BNC2: variants seen among roughly 807,000 people sequenced by gnomAD.
BNC2 encodes the protein basonuclin zinc finger protein 2.
A neutral mutation model predicts 76.3 loss-of-function variants in BNC2; 20 were observed. The observed-to-expected ratio is 0.26, with a 90% CI of 0.18 to 0.38. BNC2 has a LOEUF of 0.38. BNC2 is among the 10% of genes least tolerant of loss of function. The pLI, the probability that BNC2 is intolerant of heterozygous loss-of-function variation, is 1.00. For synonymous variants in BNC2, 582 were observed against 514.8 expected (o/e 1.13, Z -1.77); for missense variants, 1,382 against 1,399.8 (o/e 0.99, Z 0.20).
chr9:16,513,081 G>A (rs531547131), intron 5 of BNC2, among the ~76,000 whole-genome samples: 2 of 152,120 alleles, frequency 1.3e-5, no homozygotes, highest in Admixed American at 1.3e-4. Context: ...AGGGAGCTGA[G>A]ATCACACCAG....
At chr9:16,469,664 G>A (rs1737652022) in intron 5 of BNC2, among the ~76,000 whole-genome samples, 1 of 152,216 alleles carries the variant, frequency 6.6e-6, no homozygotes, top group African/African-American at 2.4e-5. Flanking sequence ...AACAGGCAGA[G>A]GCTGGAACAG....
intron 5 of BNC2, among the ~76,000 whole-genome samples, chr9:16,539,383 C>T (rs1050064055): frequency 6.6e-6 from 1 of 151,350 alleles, no homozygotes; most frequent in Non-Finnish European, 1.5e-5. Context: ...AAAAAAATAG[C>T]CAGGTGTGGT....
intron 5 of BNC2, among the ~76,000 whole-genome samples, chr9:16,473,863 ACT>A (rs1416056194): frequency 4.6e-5 from 7 of 152,170 alleles, no homozygotes; most frequent in Non-Finnish European, 7.3e-5. Flanking sequence ...ACACAGCGAG[ACT>A]CTGTCTCAAA....
chr9:16,709,841 GAA>G (rs1367600539), intron 3 of BNC2, among the ~76,000 whole-genome samples: 1 of 152,130 alleles, frequency 6.6e-6, no homozygotes, highest in East Asian at 1.9e-4. Flanking sequence ...GGAATAAATA[GAA>G]GAGAGTAGGT....
intron 3 of BNC2, among the ~76,000 whole-genome samples, chr9:16,710,123 T>TA (rs35708054): frequency 3.2e-4 from 48 of 149,200 alleles, no homozygotes; most frequent in African/African-American, 9.9e-4. Flanking sequence ...GTTCAACATT[T>TA]AAAAAAAAAA....
intron 1 of BNC2, among the ~76,000 whole-genome samples, chr9:16,811,230 C>CAAAAA (rs58068661): frequency 2.1e-5 from 2 of 97,546 alleles, no homozygotes; most frequent in African/African-American, 7.5e-5. Context: ...CTCAAAAGAC[C>CAAAAA]AAAAAAAAAA....
At chr9:16,511,883 T>A (rs984481269) in intron 5 of BNC2, among the ~76,000 whole-genome samples, 1 of 152,212 alleles carries the variant, frequency 6.6e-6, no homozygotes, top group Admixed American at 6.5e-5. Context: ...TGTGTACTTG[T>A]GTGTCTGTGC....
intron 5 of BNC2, among the ~76,000 whole-genome samples, chr9:16,529,400 G>A (rs761322127): frequency 6.6e-6 from 1 of 152,058 alleles, no homozygotes; most frequent in Non-Finnish European, 1.5e-5. Context: ...ATAACATATG[G>A]AGAAGTGTTA....
chr9:16,602,112 C>T (rs1291562651), intron 3 of BNC2, among the ~76,000 whole-genome samples: 1 of 152,158 alleles, frequency 6.6e-6, no homozygotes, highest in African/African-American at 2.4e-5. Flanking sequence ...TCACTCCTGA[C>T]CCTTATGAAT....
chr9:16,702,308 C>T (rs1018281098), intron 3 of BNC2, among the ~76,000 whole-genome samples: 2 of 152,120 alleles, frequency 1.3e-5, no homozygotes, highest in Non-Finnish European at 2.9e-5. Flanking sequence ...CTATCAAATG[C>T]TAATGACTAT....
intron 1 of BNC2, among the ~76,000 whole-genome samples, chr9:16,767,933 T>A (rs1281956768): frequency 6.6e-6 from 1 of 151,654 alleles, no homozygotes; most frequent in Non-Finnish European, 1.5e-5. Context: ...CTCAAATCTA[T>A]CAGGGCAAGA....
chr9:16,490,460 G>A (rs1345424220), intron 5 of BNC2, among the ~76,000 whole-genome samples: 2 of 152,080 alleles, frequency 1.3e-5, no homozygotes, highest in Non-Finnish European at 2.9e-5. Flanking sequence ...GATTTAGGTG[G>A]GGACACAGCC....
chr9:16,560,167 T>G (rs1818965974), intron 4 of BNC2, among the ~76,000 whole-genome samples: 1 of 152,212 alleles, frequency 6.6e-6, no homozygotes, highest in African/African-American at 2.4e-5. Flanking sequence ...GAATCTGCAT[T>G]TCTAACAAGT....
intron 3 of BNC2, among the ~76,000 whole-genome samples, chr9:16,631,359 ACTTAATCCCAAAGT>A (rs569892521): frequency 2.7e-4 from 41 of 152,328 alleles, no homozygotes; most frequent in African/African-American, 9.6e-4. Context: ...AATCACCATT[ACTTAATCCCAAAGT>A]CTAGAGGCTG....
Position 16,789,988 on chromosome 9 carries a change from C to T in BNC2, c.4-51503G>A, listed in dbSNP as rs146510432. On this transcript the variant is annotated intron_variant, in intron 1 of 6. Transcript: ENST00000380672. Reference sequence around the variant, plus strand: ...GCAATACCACAAAAGTGATCATGCGCGCTGAAATCATGTGAAATGATTTTT... The same window carrying T: ...GCAATACCACAAAAGTGATCATGCGTGCTGAAATCATGTGAAATGATTTTT... Among the ~76,000 whole-genome samples the T allele has an allele frequency of 5.9e-4, 90 of 152,198 alleles. 1 individual carries two copies. Among genetic ancestry groups the T allele is most frequent in the Middle Eastern group, 3.4e-3 (1 of 294 alleles).
At chr9:16,500,397 CG>C (rs1400080712) in intron 5 of BNC2, among the ~76,000 whole-genome samples, 1 of 152,056 alleles carries the variant, frequency 6.6e-6, no homozygotes, top group African/African-American at 2.4e-5. Context: ...GCACTTGTCT[CG>C]GGAACCATAT....
At chr9:16,701,779 T>G (rs928405685) in intron 3 of BNC2, among the ~76,000 whole-genome samples, 1 of 151,250 alleles carries the variant, frequency 6.6e-6, no homozygotes, top group African/African-American at 2.4e-5. Context: ...CCGTCTCTAC[T>G]GAAAATACAA....
chr9:16,695,228 AAGAC>A (rs1468560229), intron 3 of BNC2, among the ~76,000 whole-genome samples: 1 of 152,182 alleles, frequency 6.6e-6, no homozygotes, highest in Admixed American at 6.5e-5. Context: ...GCCTCACAAA[AAGAC>A]AGAGCTACTT....
intron 5 of BNC2, among the ~76,000 whole-genome samples, chr9:16,479,259 AAAAAG>A (rs1274911691): frequency 6.0e-5 from 9 of 149,742 alleles, no homozygotes; most frequent in South Asian, 2.1e-4. Flanking sequence ...CAAAAAAAAA[AAAAAG>A]AAAAGAAAAG....
Sources: gnomAD v4.1 joint callset for allele counts (sites outside exome capture counted in the v4.1 genomes callset) on GRCh38, gnomAD v4.1.1 for gene constraint, MANE v1.5 for transcripts, NCBI Gene and HGNC (gene_info 2026-07-23, HGNC 2026-07-21) for gene names.